The following NALF1 variants were observed in gnomAD, a reference collection of about 807,000 sequenced individuals.
The protein encoded by NALF1 is NALCN channel auxiliary factor 1.
NALF1 carries 3 observed loss-of-function variants against 48.4 expected under a neutral mutation model. The observed-to-expected ratio is 0.06, with a 90% CI of 0.03 to 0.16. The LOEUF (loss-of-function observed/expected upper bound fraction) is 0.16. Among genes scored for constraint, NALF1 ranks in the 10% least tolerant of loss-of-function variants. The pLI, the probability that NALF1 is intolerant of heterozygous loss-of-function variation, is 1.00. For synonymous variants in NALF1, 262 were observed against 245.7 expected, an observed-to-expected ratio of 1.07 and a Z score of -0.62; for missense variants, 526 against 571.5, an observed-to-expected ratio of 0.92 and a Z score of 0.81.
At chr13:107,566,152 C>T (rs368331942) in intron 1 of NALF1, among the ~76,000 whole-genome samples, 1 of 152,136 alleles carries the variant, frequency 6.6e-6, no homozygotes, top group East Asian at 1.9e-4. Flanking sequence ...CAAAAACATT[C>T]ATCCACAATG....
intron 1 of NALF1, among the ~76,000 whole-genome samples, chr13:107,724,577 T>A (rs1478283129): frequency 6.6e-6 from 1 of 151,490 alleles, no homozygotes; most frequent in Non-Finnish European, 1.5e-5. Context: ...TTTGCTCGTT[T>A]TTGAGACAGG....
chr13:107,373,015 C>A (rs1883273358), intron 1 of NALF1, among the ~76,000 whole-genome samples: 1 of 152,012 alleles, frequency 6.6e-6, no homozygotes, highest in Non-Finnish European at 1.5e-5. Flanking sequence ...TATCTGTAAA[C>A]TGGGGATGAT....
intron 1 of NALF1, among the ~76,000 whole-genome samples, chr13:107,670,054 T>C (rs1355952255): frequency 6.6e-6 from 1 of 152,140 alleles, no homozygotes; most frequent in Non-Finnish European, 1.5e-5. Context: ...CCTTTCTACT[T>C]CACCATCTAC....
chr13:107,322,421 TAAGTA>T (rs1440300709), intron 1 of NALF1, among the ~76,000 whole-genome samples: 1 of 152,186 alleles, frequency 6.6e-6, no homozygotes, highest in African/African-American at 2.4e-5. Flanking sequence ...GACTTATTAT[TAAGTA>T]AATACCAACC....
intron 2 of NALF1, among the ~76,000 whole-genome samples, chr13:107,174,631 A>G (rs1465930591): frequency 6.6e-6 from 1 of 152,094 alleles, no homozygotes; most frequent in African/African-American, 2.4e-5. Flanking sequence ...CTGGGAATAC[A>G]GGCTTGAGCC....
chr13:107,504,551 T>C (rs1385121309), intron 1 of NALF1, among the ~76,000 whole-genome samples: 1 of 152,166 alleles, frequency 6.6e-6, no homozygotes, highest in Non-Finnish European at 1.5e-5. Context: ...CACAATAAAA[T>C]TTATTAAAAA....
chr13:107,419,047 A>G (rs901840393), intron 1 of NALF1, among the ~76,000 whole-genome samples: 1 of 152,220 alleles, frequency 6.6e-6, no homozygotes, highest in African/African-American at 2.4e-5. Flanking sequence ...TAAATAAATA[A>G]TATGACAGCA....
chr13:107,783,066 G>C (rs1475674001), intron 1 of NALF1, among the ~76,000 whole-genome samples: 1 of 144,546 alleles, frequency 6.9e-6, no homozygotes, highest in African/African-American at 2.7e-5. Context: ...AGGGAGGTGG[G>C]GGGGTCAGCC....
At chr13:107,265,222 T>C in intron 1 of NALF1, among the ~76,000 whole-genome samples, 1 of 152,230 alleles carries the variant, frequency 6.6e-6, no homozygotes. Flanking sequence ...TTTCTAACTT[T>C]CTATTGAGTT....
At chr13:107,380,274 A>G (rs948079150) in intron 1 of NALF1, among the ~76,000 whole-genome samples, 9 of 152,212 alleles carry the variant, frequency 5.9e-5, no homozygotes, top group Non-Finnish European at 1.2e-4. Context: ...GCACACTTGA[A>G]ATAACGTTTC....
intron 1 of NALF1, among the ~76,000 whole-genome samples, chr13:107,262,769 G>GCTCTCTCTCTCTCT (rs1555329321): frequency 0.049 from 7,047 of 143,946 alleles, 226 homozygotes; most frequent in East Asian, 0.084. Flanking sequence ...ACCCACAGGC[G>GCTCTCTCTCTCTCT]CTCTCTCTCT....
At chr13:107,459,344 G>A (rs1490011856) in intron 1 of NALF1, among the ~76,000 whole-genome samples, 2 of 151,974 alleles carry the variant, frequency 1.3e-5, no homozygotes, top group South Asian at 2.1e-4. Context: ...TCGCACCCTA[G>A]AGCTAGCAAA....
intron 1 of NALF1, among the ~76,000 whole-genome samples, chr13:107,775,711 G>C (rs996134513): frequency 3.9e-5 from 6 of 152,016 alleles, no homozygotes; most frequent in South Asian, 2.1e-4. Flanking sequence ...ATCCTCTCCA[G>C]CACCTGTTGT....
chr13:107,622,401 G>A (rs1003396948), intron 1 of NALF1, among the ~76,000 whole-genome samples: 6 of 151,302 alleles, frequency 4.0e-5, no homozygotes, highest in South Asian at 2.1e-4. Context: ...AGATCGCACC[G>A]TTGCACCCCA....
intron 1 of NALF1, among the ~76,000 whole-genome samples, chr13:107,671,457 C>T (rs1880989253): frequency 1.3e-5 from 2 of 151,976 alleles, no homozygotes; most frequent in South Asian, 4.1e-4. Context: ...TAGTCTCTTA[C>T]ACTGCATTAA....
Position 107,353,085 on chromosome 13 carries a change from T to C in NALF1, c.916-142330A>G, listed in dbSNP as rs1341979544. Among the ~76,000 whole-genome samples the C allele has an allele frequency of 2.0e-5, 3 of 152,050 alleles. No homozygotes were observed. In the East Asian group the frequency reaches 5.8e-4, roughly 29 times the overall value. On this transcript the variant is annotated intron_variant, in intron 1 of 2. Coordinates refer to ENST00000375915, the MANE Select transcript of NALF1 (RefSeq NM_001080396.3). ...CACCTTCCTTCTGCCTCCTGACTGT[T>C]CACTCTCCCTCCTGATTTACCACTT...
intron 1 of NALF1, among the ~76,000 whole-genome samples, chr13:107,230,596 TA>T: frequency 6.6e-6 from 1 of 152,098 alleles, no homozygotes; most frequent in African/African-American, 2.4e-5. Flanking sequence ...ATAAAGATAA[TA>T]AAAATTTATT....
At chr13:107,820,015 C>T (rs975613779) in intron 1 of NALF1, among the ~76,000 whole-genome samples, 7 of 152,178 alleles carry the variant, frequency 4.6e-5, no homozygotes, top group Non-Finnish European at 8.8e-5. Context: ...AGATTACAGA[C>T]TTCTTGCTTC....
At chr13:107,303,869 G>A (rs1434611794) in intron 1 of NALF1, among the ~76,000 whole-genome samples, 1 of 151,984 alleles carries the variant, frequency 6.6e-6, no homozygotes, top group African/African-American at 2.4e-5. Context: ...AAATACTACT[G>A]TATTTTTAGT....
Sources: allele counts gnomAD v4.1 joint callset (sites outside exome capture counted in the v4.1 genomes callset), GRCh38; gene constraint gnomAD v4.1.1; transcripts MANE v1.5; gene names NCBI Gene and HGNC (gene_info 2026-07-23, HGNC 2026-07-21).